Variants in TNFAIP2 observed in about 807,000 individuals in gnomAD.
The protein encoded by TNFAIP2 is tumor necrosis factor alpha-induced protein 2.
In TNFAIP2, 47 loss-of-function variants were observed where a neutral mutation model predicts 63.5. The ratio of observed to expected loss-of-function variants is 0.74; its 90% CI spans 0.59 to 0.94. TNFAIP2 has a LOEUF of 0.94. Among genes scored for constraint, TNFAIP2 ranks in the 40% least tolerant of loss-of-function variants. TNFAIP2 has a pLI of 0.00. For missense variants in TNFAIP2, 787 were observed against 850.2 expected, an observed-to-expected ratio of 0.93 and a Z score of 0.92; for synonymous variants, 405 against 390.2, an observed-to-expected ratio of 1.04 and a Z score of -0.45.
chr14:103,132,357 A>C (rs2087994893), intron 8 of TNFAIP2, among the ~76,000 whole-genome samples: 1 of 152,190 alleles, frequency 6.6e-6, no homozygotes, highest in African/African-American at 2.4e-5. Flanking sequence ...ACTAGCGGCC[A>C]TGGGTGGCCT....
chr14:103,127,531 C>A lies in TNFAIP2; in HGVS notation c.762C>A (p.His254Gln). The change falls in exon 3 of 12, where the codon CAC becomes CAA. Residue 254 changes from histidine to glutamine, a missense_variant. His to Gln is a conservative substitution (Grantham distance 24). Transcript: ENST00000560869. This position sits in a 1 kb window ranked among gnomAD's most constrained non-coding sequence, Gnocchi z 5.1. ...TGGCGGCCTACGCCGAGAGCTACCA[C>A]CAGCACTTCGCGGCCCACCTGGCCG... ...GVVAAYAESY[H>Q]QHFAAHLAAV... 2 of 1,589,154 alleles carry A rather than the reference C, an allele frequency of 1.3e-6. No homozygotes were observed. The highest frequency in any genetic ancestry group is 1.3e-5 in the African/African-American group (1 of 74,914).
At position 103,136,894 on chromosome 14, in the gene TNFAIP2, GCCACCTTAGTT is replaced by G. The variant is rs752328771; in HGVS notation, c.*1538_*1548del. 13 of 152,306 alleles carry G rather than the reference GCCACCTTAGTT, an allele frequency of 8.5e-5. No individual in the cohort carries two copies. The Middle Eastern group carries it at 0.01, about 120-fold the overall frequency. 9.4% of individuals were successfully genotyped at this position (152,306 alleles called of 1,614,324 possible). A position where few individuals can be genotyped will look rare whatever the true frequency, so the allele number is the denominator to read the frequency against. The stretch of plus-strand genomic sequence containing the variant: ...TTTCTATTTTCAGGTCAGCTGATTA[GCCACCTTAGTT>G]CCATCTGCAACTTTAGTTCCCACTG... On this transcript the variant is annotated 3_prime_UTR_variant, in exon 12 of 12. Transcript: ENST00000560869.
Position 103,129,822 on chromosome 14 carries a change from C to T in TNFAIP2, c.943C>T (p.Leu315=), listed in dbSNP as rs755905616. ...GSLLPPRQIR[L]LEATFLSSEA... ...CCTCCTGCCCCCCAGGCAGATCCGA[C>T]TGCTGGAGGCCACATTCCTGTCCAG... The change falls in exon 4 of 12, where the codon CTG becomes TTG. Residue 315 remains leucine (L), a synonymous_variant. Transcript: ENST00000560869. 2 of 1,614,036 alleles carry T rather than the reference C, an allele frequency of 1.2e-6. No individual in the cohort carries two copies.
chr14:103,126,316 G>A lies in TNFAIP2; in HGVS notation c.-142G>A. 1 of 640,468 alleles carries A rather than the reference G, an allele frequency of 1.6e-6. No individual in the cohort carries two copies. Among genetic ancestry groups the A allele is most frequent in the South Asian group, 2.0e-5 (1 of 49,506 alleles). The allele number at this position is 640,468 out of a possible 1,614,324, so 39.7% of individuals were successfully genotyped here. A position where few individuals can be genotyped will look rare whatever the true frequency, so the allele number is the denominator to read the frequency against. On this transcript the variant is annotated 5_prime_UTR_variant, in exon 2 of 12. Coordinates refer to ENST00000560869, the MANE Select transcript of TNFAIP2 (RefSeq NM_006291.4). Reference sequence around the variant, plus strand: ...CTTCACCCCCACCCCGCAGGAGCCTGCAGGCCTGAACCAGGGTGATGCTGA... The same window carrying A: ...CTTCACCCCCACCCCGCAGGAGCCTACAGGCCTGAACCAGGGTGATGCTGA...
At chr14:103,125,452 G>A (rs1475306507) in intron 1 of TNFAIP2, among the ~76,000 whole-genome samples, 1 of 152,194 alleles carries the variant, frequency 6.6e-6, no homozygotes, top group Non-Finnish European at 1.5e-5. Context: ...TGACTATAGG[G>A]ACAGTTTAAG....
In TNFAIP2 at chr14:103,131,232, A is replaced by T; in HGVS notation, c.1298+82A>T. On this transcript the variant is annotated intron_variant, in intron 7 of 11. Transcript: ENST00000560869. The surrounding 1 kb of genome is among the most constrained non-coding windows in gnomAD (Gnocchi z 4.0). The stretch of plus-strand genomic sequence containing the variant: ...GGAGCTGGAAGGTGGAGGGAGGAGG[A>T]GCTGCTTAGGCCAAGAAGTGGAATT... 2 of 1,448,014 alleles carry T rather than the reference A, an allele frequency of 1.4e-6. No individual in the cohort carries two copies. Among genetic ancestry groups the T allele is most frequent in the South Asian group, 2.3e-5 (2 of 87,222 alleles). 89.7% of individuals were successfully genotyped at this position (1,448,014 alleles called of 1,614,324 possible).
chr14:103,132,778 G>T lies in TNFAIP2; in HGVS notation c.1451G>T (p.Arg484Leu), dbSNP rs571451734. 3.1e-6 allele frequency: 5 copies of T among 1,613,646 alleles called. No individual in the cohort carries two copies. The Admixed American group carries it at 5.0e-5, about 16-fold the overall frequency. Reference sequence around the variant, plus strand: ...CTGTTCAAGAGGTTCACGCACACCCGCTGGGCGGCCCCTGTGGAGACCCTG... The same window carrying T: ...CTGTTCAAGAGGTTCACGCACACCCTCTGGGCGGCCCCTGTGGAGACCCTG... ...KPLFKRFTHT[R>L]WAAPVETLEN... The change falls in exon 9 of 12, where the codon CGC becomes CTC. Residue 484 changes from arginine to leucine, a missense_variant. Transcript: ENST00000560869.
At position 103,131,168 on chromosome 14, in the gene TNFAIP2, G is replaced by C. The variant is rs750743566; in HGVS notation, c.1298+18G>C. 6.2e-7 allele frequency: 1 copy of C among 1,613,344 alleles called. No homozygotes were observed. The highest frequency in any genetic ancestry group is 8.5e-7 in the Non-Finnish European group (1 of 1,179,434). ...TCCTTCCGGTGAGAGTGTTGGGAGGGGCTTGCGGGAGTGGGAGTCACTCAG... is the reference window on the plus strand; with the variant it reads ...TCCTTCCGGTGAGAGTGTTGGGAGGCGCTTGCGGGAGTGGGAGTCACTCAG... On this transcript the variant is annotated intron_variant, in intron 7 of 11. Transcript: ENST00000560869. The surrounding 1 kb of genome is among the most constrained non-coding windows in gnomAD (Gnocchi z 4.0).
At chr14:103,130,839 A>T (rs2087957154) in intron 6 of TNFAIP2, among the ~76,000 whole-genome samples, 1 of 152,132 alleles carries the variant, frequency 6.6e-6, no homozygotes, top group Non-Finnish European at 1.5e-5. Context: ...AGGGCCTGGG[A>T]GCAGCAGAGA....
At position 103,127,265 on chromosome 14, in the gene TNFAIP2, CG is replaced by C; in HGVS notation, c.497del (p.Arg166ProfsTer59). On this transcript the variant is annotated frameshift_variant, in exon 3 of 12. Transcript: ENST00000560869. LOFTEE classifies it high-confidence loss of function. This position sits in a 1 kb window ranked among gnomAD's most constrained non-coding sequence, Gnocchi z 5.1. The stretch of plus-strand genomic sequence containing the variant: ...GGTGGCGGAGCAGGAGCGCGAGGAC[CG>C]CCAGGCGGCGGCGGCGGGGCCGGGG... ...AVVAEQERED[R>X]QAAAAGPGTS... The C allele has an allele frequency of 1.0e-6, 1 of 1,001,714 alleles. No homozygotes were observed. Among genetic ancestry groups the C allele is most frequent in the South Asian group, 4.5e-5 (1 of 22,292 alleles). The allele number at this position is 1,001,714 out of a possible 1,614,324, so 62.1% of individuals were successfully genotyped here. A position where few individuals can be genotyped will look rare whatever the true frequency, so the allele number is the denominator to read the frequency against.
In TNFAIP2 at chr14:103,131,618, C is replaced by G; in HGVS notation, c.1299-21C>G. On this transcript the variant is annotated intron_variant, in intron 7 of 11. Coordinates refer to ENST00000560869, the MANE Select transcript of TNFAIP2 (RefSeq NM_006291.4). This position sits in a 1 kb window ranked among gnomAD's most constrained non-coding sequence, Gnocchi z 4.0. ...ATAGGCTGAGCAGGGCTGGGGTGAC[C>G]TCTCTGCCTCCACCTTCCAGGATGT... 1 of 1,578,544 alleles carries G rather than the reference C, an allele frequency of 6.3e-7. No homozygotes were observed.
At chr14:103,121,879 G>C (rs915578350), upstream of TNFAIP2, among the ~76,000 whole-genome samples, 2 of 151,968 alleles carry the variant, frequency 1.3e-5, no homozygotes, top group Admixed American at 1.3e-4. Context: ...GGGAATGGGA[G>C]GGGGGGTGAG....
At chr14:103,132,968 T>TCA in intron 9 of TNFAIP2, 96 bp downstream of exon 9, 1 of 1,542,934 alleles carries the variant, frequency 6.5e-7, no homozygotes, top group Non-Finnish European at 8.8e-7. Context: ...GCACATGTGC[T>TCA]CACACGCGCA....
chr14:103,135,669 A>G lies in TNFAIP2; in HGVS notation c.*309A>G, dbSNP rs367611808. 7.9e-7 allele frequency: 1 copy of G among 1,263,404 alleles called. No homozygotes were observed. The highest frequency in any genetic ancestry group is 1.5e-5 in the South Asian group (1 of 65,400). 78.3% of individuals were successfully genotyped at this position (1,263,404 alleles called of 1,614,324 possible). A position where few individuals can be genotyped will look rare whatever the true frequency, so the allele number is the denominator to read the frequency against. On this transcript the variant is annotated 3_prime_UTR_variant, in exon 12 of 12. Transcript: ENST00000560869. The surrounding 1 kb of genome is among the most constrained non-coding windows in gnomAD (Gnocchi z 7.6). ...AAGAACCAGGAGGGAGAGTGCAGCC[A>G]GGCTCAGGGATCCCCGGACACCTCT...
Position 103,131,741 on chromosome 14 carries a change from G to A in TNFAIP2, c.1401G>A (p.Gln467=). The part of the protein sequence containing the change: ...LKSHGFDTLL[Q]NLHEDLKPLF... The stretch of plus-strand genomic sequence containing the variant: ...GCCACGGCTTTGACACCCTGCTCCA[G>A]AACCTGCATGAGGACCTGAAGGTAG... Residue 467 remains glutamine (Q), a synonymous_variant, in exon 8 of 12, where the codon CAG becomes CAA. Coordinates refer to ENST00000560869, the MANE Select transcript of TNFAIP2 (RefSeq NM_006291.4). This position sits in a 1 kb window ranked among gnomAD's most constrained non-coding sequence, Gnocchi z 4.0. 1 of 1,612,372 alleles carries A rather than the reference G, an allele frequency of 6.2e-7. No homozygotes were observed. The highest frequency in any genetic ancestry group is 8.5e-7 in the Non-Finnish European group (1 of 1,179,744).
chr14:103,133,706 C>A lies in TNFAIP2; in HGVS notation c.1726C>A (p.Pro576Thr), dbSNP rs778854263. ...QHGSPATWLQ[P>T]ALPTLAEIIR... ...GGGCTCCCCGGCGACCTGGCTGCAG[C>A]CTGCTCTCCCTACGCTGGCCGAGAT... The change falls in exon 11 of 12, where the codon CCT becomes ACT. Residue 576 changes from proline to threonine, a missense_variant. Pro to Thr is a conservative substitution (Grantham distance 38, BLOSUM62 -1). Around this residue, in one of 3 missense-constraint regions of TNFAIP2, gnomAD observed 523 missense variants for 604.1 expected, o/e 0.87. Transcript: ENST00000560869. 1 of 1,581,436 alleles carries A rather than the reference C, an allele frequency of 6.3e-7. No individual in the cohort carries two copies. The highest frequency in any genetic ancestry group is 8.6e-7 in the Non-Finnish European group (1 of 1,168,028).
In TNFAIP2 at chr14:103,129,809, C is replaced by G. The variant is rs1374154510; in HGVS notation, c.930C>G (p.Pro310=). 1.9e-6 allele frequency: 3 copies of G among 1,614,026 alleles called. No homozygotes were observed. Among genetic ancestry groups the G allele is most frequent in the South Asian group, 1.1e-5 (1 of 91,086 alleles). ...TGGGGCTCGGGAGCCTCCTGCCCCC[C>G]AGGCAGATCCGACTGCTGGAGGCCA... ...QGMGLGSLLP[P]RQIRLLEATF... Residue 310 remains proline (P), a synonymous_variant, in exon 4 of 12, where the codon CCC becomes CCG. Transcript: ENST00000560869.
Position 103,135,301 on chromosome 14 carries a change from G to A in TNFAIP2, c.1906G>A (p.Val636Ile), listed in dbSNP as rs200703524. ...EVKRIRSILDVSMGAQEPSRP... is the reference protein window; with the variant it reads ...EVKRIRSILDISMGAQEPSRP... ...CAAGCGCATCCGGAGCATCTTGGACGTCAGCATGGGGGCGCAGGAGCCCTC... is the reference window on the plus strand; with the variant it reads ...CAAGCGCATCCGGAGCATCTTGGACATCAGCATGGGGGCGCAGGAGCCCTC... The change falls in exon 12 of 12, where the codon GTC becomes ATC. Residue 636 changes from valine to isoleucine, a missense_variant. Around this residue, in one of 3 missense-constraint regions of TNFAIP2, gnomAD observed 523 missense variants for 604.1 expected, o/e 0.87. Coordinates refer to ENST00000560869, the MANE Select transcript of TNFAIP2 (RefSeq NM_006291.4). The surrounding 1 kb of genome is among the most constrained non-coding windows in gnomAD (Gnocchi z 7.6). 1.5e-5 allele frequency: 25 copies of A among 1,613,830 alleles called. No homozygotes were observed. The highest frequency in any genetic ancestry group is 8.0e-5 in the African/African-American group (6 of 74,934).
Position 103,126,991 on chromosome 14 carries a change from CT to C in TNFAIP2, c.236-11del. On this transcript the variant is annotated splice_polypyrimidine_tract_variant and intron_variant, in intron 2 of 11. Transcript: ENST00000560869. ...TGGGCTGGGGCCGGGGCTGACGCGG[CT>C]TTCCCGGCGCAGTGGAGGAGCTGAA... 1 of 1,222,928 alleles carries C rather than the reference CT, an allele frequency of 8.2e-7. No individual in the cohort carries two copies. The highest frequency in any genetic ancestry group is 4.0e-5 in the East Asian group (1 of 25,104). 75.8% of individuals were successfully genotyped at this position (1,222,928 alleles called of 1,614,324 possible).
Sources: allele counts gnomAD v4.1 joint callset (sites outside exome capture counted in the v4.1 genomes callset), GRCh38; gene constraint gnomAD v4.1.1; regional missense constraint gnomAD v4.1.1; non-coding constraint Gnocchi (gnomAD v3.1); transcripts MANE v1.5; gene names NCBI Gene and HGNC (gene_info 2026-07-23, HGNC 2026-07-21).